Variants in CCDC18 observed in about 807,000 individuals in gnomAD.
CCDC18 encodes coiled-coil domain-containing protein 18.
In CCDC18, 157 loss-of-function variants were observed where a neutral mutation model predicts 196.0. That is an observed-to-expected ratio of 0.80 (90% CI 0.70 to 0.91). CCDC18 has a LOEUF of 0.91. CCDC18 is among the 40% of genes least tolerant of loss of function. CCDC18 has a pLI of 0.00. For missense variants in CCDC18, 1,465 were observed against 1,611.6 expected, an observed-to-expected ratio of 0.91 and a Z score of 1.56; for synonymous variants, 482 against 529.2, an observed-to-expected ratio of 0.91 and a Z score of 1.22.
intron 9 of CCDC18, among the ~76,000 whole-genome samples, chr1:93,209,477 GT>G (rs1334118598): frequency 6.6e-6 from 1 of 152,170 alleles, no homozygotes; most frequent in Admixed American, 6.5e-5. Context: ...ACTTACCAAT[GT>G]TAAACTGTTA....
chr1:93,205,476 C>T (rs1460627057), intron 7 of CCDC18, 34 bp from the exon 8 acceptor site: 6 of 1,544,394 alleles, frequency 3.9e-6, no homozygotes, highest in Non-Finnish European at 5.2e-6. Context: ...AACTTACAAC[C>T]ACATTAGTAT....
At chr1:93,252,809 C>G (rs543318054) in intron 23 of CCDC18, among the ~76,000 whole-genome samples, 284 of 152,306 alleles carry the variant, frequency 1.9e-3, no homozygotes, top group African/African-American at 6.7e-3. Context: ...TTTGTGTTCC[C>G]TGAGGCTGTG....
intron 21 of CCDC18, among the ~76,000 whole-genome samples, chr1:93,242,963 C>A (rs762008614): frequency 8.5e-5 from 13 of 152,218 alleles, no homozygotes; most frequent in African/African-American, 1.4e-4. Context: ...CTGCTTCCAC[C>A]GGCTGGCATT....
intron 4 of CCDC18, among the ~76,000 whole-genome samples, chr1:93,190,306 G>A (rs1184203362): frequency 2.6e-5 from 4 of 152,110 alleles, no homozygotes; most frequent in African/African-American, 9.7e-5. Context: ...TGGCCAACAT[G>A]GTGAAACCCC....
At chr1:93,180,463 T>A, upstream of CCDC18, 4 of 1,431,364 alleles carry the variant, frequency 2.8e-6, no homozygotes, top group South Asian at 3.8e-5. Flanking sequence ...CGCAACCGCC[T>A]CAGTCTCGGC....
intron 23 of CCDC18, among the ~76,000 whole-genome samples, chr1:93,252,785 TAA>T (rs1226819563): frequency 2.0e-5 from 3 of 152,246 alleles, no homozygotes; most frequent in African/African-American, 7.2e-5. Context: ...TCCAGGAATT[TAA>T]GCAAACTGGC....
chr1:93,257,774 ATAAGC>A (rs1468855303), intron 25 of CCDC18, among the ~76,000 whole-genome samples: 2 of 152,118 alleles, frequency 1.3e-5, no homozygotes, highest in Admixed American at 1.3e-4. Context: ...TTTTTATTTG[ATAAGC>A]TAAGCTCACT....
At chr1:93,234,980 CTTTT>C (rs1157777937) in intron 18 of CCDC18, among the ~76,000 whole-genome samples, 2 of 71,082 alleles carry the variant, frequency 2.8e-5, no homozygotes, top group East Asian at 4.3e-4. Context: ...TGTGGCTTTT[CTTTT>C]TTTTTCTTTT....
In CCDC18 at chr1:93,186,431, G is replaced by A. The variant is rs774793451; in HGVS notation, c.390G>A (p.Leu130=). The A allele has an allele frequency of 1.2e-5, 20 of 1,611,514 alleles. No individual in the cohort carries two copies. The highest frequency in any genetic ancestry group is 1.7e-5 in the Non-Finnish European group (20 of 1,178,380). ...LNKLRQQNAC[L]VTQNHSLMTK... is the part of the protein sequence containing the mutation. ...AACTTAGGCAACAGAATGCTTGTTT[G>A]GTCACACAGAATCATTCCTTAATGA... The change falls in exon 4 of 29, where the codon TTG becomes TTA. Residue 130 remains leucine (L), a synonymous_variant. Transcript: ENST00000690025.
chr1:93,266,659 T>A (rs981633898), intron 27 of CCDC18, among the ~76,000 whole-genome samples: 22 of 152,076 alleles, frequency 1.4e-4, no homozygotes, highest in Non-Finnish European at 2.8e-4. Context: ...GAGAATACTA[T>A]AAACACCTCT....
At chr1:93,237,033 A>G (rs1022933598) in intron 19 of CCDC18, among the ~76,000 whole-genome samples, 1 of 152,218 alleles carries the variant, frequency 6.6e-6, no homozygotes, top group South Asian at 2.1e-4. Flanking sequence ...GACATAATTT[A>G]TAACATAATC....
chr1:93,191,998 AGGTTTC>A lies in CCDC18; in HGVS notation c.463-1_467del. 6.3e-7 allele frequency: 1 copy of A among 1,598,614 alleles called. No homozygotes were observed. The highest frequency in any genetic ancestry group is 1.7e-4 in the Middle Eastern group (1 of 5,978). On this transcript the variant is annotated splice_acceptor_variant and coding_sequence_variant, in exon 5 of 29. Transcript: ENST00000690025. LOFTEE classifies it high-confidence loss of function. ...ACTATAAAAGTTGTTTTTATGTTTT[AGGTTTC>A]TATGCTTGAGTCTGCTCAACAGCAG...
chr1:93,269,046 A>C (rs1233236695), intron 27 of CCDC18, among the ~76,000 whole-genome samples: 1 of 152,110 alleles, frequency 6.6e-6, no homozygotes, highest in Non-Finnish European at 1.5e-5. Flanking sequence ...TCAGTGATAG[A>C]CTAGATTCAG....
At chr1:93,234,973 G>GTGTGTGTGTGTGTGTGTGTGTGTGTGTGT in intron 18 of CCDC18, among the ~76,000 whole-genome samples, 1 of 146,308 alleles carries the variant, frequency 6.8e-6, no homozygotes, top group South Asian at 2.2e-4. Context: ...GTGTGTGTGT[G>GTGTGTGTGTGTGTGTGTGTGTGTGTGTGT]GCTTTTCTTT....
At chr1:93,216,121 TTATAAC>T (rs879684807) in intron 12 of CCDC18, among the ~76,000 whole-genome samples, 8 of 152,242 alleles carry the variant, frequency 5.3e-5, no homozygotes, top group Non-Finnish European at 1.0e-4. Flanking sequence ...TTTAGACAGT[TTATAAC>T]TATGGCTACC....
intron 21 of CCDC18, among the ~76,000 whole-genome samples, chr1:93,244,965 T>C (rs975471075): frequency 6.6e-6 from 1 of 152,186 alleles, no homozygotes; most frequent in African/African-American, 2.4e-5. Context: ...CACTCTAAAG[T>C]AGCCACCCAG....
At position 93,232,522 on chromosome 1, in the gene CCDC18, C is replaced by T. The variant is rs756182145; in HGVS notation, c.2389C>T (p.Gln797Ter). The change falls in exon 18 of 29, where the codon CAG becomes TAG. Residue 797 changes from glutamine to a stop codon, truncating the protein, a stop_gained. Transcript: ENST00000690025. LOFTEE classifies it high-confidence loss of function. The part of the protein sequence containing the change: ...VILQHTLQQQ[Q>*]QMLQQETIRN... ...TCTACAGCATACTCTTCAGCAACAG[C>T]AGCAAATGTTACAACAAGAGACAAT... The T allele has an allele frequency of 6.2e-7, 1 of 1,612,752 alleles. No individual in the cohort carries two copies.
intron 21 of CCDC18, among the ~76,000 whole-genome samples, chr1:93,242,285 A>G (rs1436394565): frequency 2.0e-5 from 3 of 152,114 alleles, no homozygotes; most frequent in Non-Finnish European, 4.4e-5. Flanking sequence ...GGGAGGCCTC[A>G]CAATCATGGT....
chr1:93,194,622 A>C (rs1250002632), intron 6 of CCDC18, among the ~76,000 whole-genome samples: 4 of 152,222 alleles, frequency 2.6e-5, no homozygotes, highest in African/African-American at 9.6e-5. Flanking sequence ...TAAATGAAAA[A>C]AAGAAATGTA....
Sources: allele counts gnomAD v4.1 joint callset (sites outside exome capture counted in the v4.1 genomes callset), GRCh38; gene constraint gnomAD v4.1.1; transcripts MANE v1.5; gene names NCBI Gene and HGNC (gene_info 2026-07-23, HGNC 2026-07-21).